DDX31: variants seen among roughly 807,000 people sequenced by gnomAD.
The protein encoded by DDX31 is ATP-dependent DNA helicase DDX31.
In DDX31, 70 loss-of-function variants were observed where a neutral mutation model predicts 91.3. That is an observed-to-expected ratio of 0.77 (90% CI 0.63 to 0.94). The LOEUF (loss-of-function observed/expected upper bound fraction) is 0.94, where lower values mean the gene tolerates loss of function less well. Ranked by LOEUF, DDX31 falls within the 40% of genes least tolerant of loss-of-function variation. The probability of loss-of-function intolerance (pLI) is 0.00; values close to 1 mark genes in which losing one functional copy is unlikely to be tolerated. For synonymous variants in DDX31, 362 were observed against 350.6 expected, an observed-to-expected ratio of 1.03 and a Z score of -0.36; for missense variants, 902 against 925.0, an observed-to-expected ratio of 0.98 and a Z score of 0.32.
intron 14 of DDX31, chr9:132,638,016 C>T (rs905440672): frequency 1.1e-5 from 12 of 1,133,454 alleles, no homozygotes; most frequent in African/African-American, 3.2e-5. Context: ...ATGCTTCAAG[C>T]GGAAAAAAAT....
intron 6 of DDX31, among the ~76,000 whole-genome samples, chr9:132,655,455 G>A (rs1275273187): frequency 6.6e-6 from 1 of 152,120 alleles, no homozygotes; most frequent in African/African-American, 2.4e-5. Flanking sequence ...CACAAAATTG[G>A]TAAGAGGAAT....
chr9:132,604,187 A>C (rs999362678), intron 19 of DDX31, among the ~76,000 whole-genome samples: 1 of 152,170 alleles, frequency 6.6e-6, no homozygotes, highest in African/African-American at 2.4e-5. Flanking sequence ...GCCTGTGAAC[A>C]TGAGGTGCAT....
chr9:132,643,946 C>T (rs1833657958), intron 13 of DDX31, among the ~76,000 whole-genome samples: 1 of 151,878 alleles, frequency 6.6e-6, no homozygotes, highest in African/African-American at 2.4e-5. Flanking sequence ...CTACCAAACT[C>T]TAGACTTTCA....
rs933353096 is a variant in DDX31, at chr9:132,595,386, T to C, written c.1995-274A>G. Among the ~76,000 whole-genome samples the C allele has an allele frequency of 6.6e-6, 1 of 152,226 alleles. No individual in the cohort carries two copies. Among genetic ancestry groups the C allele is most frequent in the Non-Finnish European group, 1.5e-5 (1 of 68,034 alleles). On this transcript the variant is annotated intron_variant, in intron 19 of 19. Transcript: ENST00000372159. The surrounding 1 kb of genome is among the most constrained non-coding windows in gnomAD (Gnocchi z 4.6). Reference sequence around the variant, plus strand: ...GTTTTCATGGGGAAAAAAAGAACTATACACCCTCATGCTCTGATGGCAAAT... The same window carrying C: ...GTTTTCATGGGGAAAAAAAGAACTACACACCCTCATGCTCTGATGGCAAAT...
chr9:132,598,367 C>T (rs751720321), intron 19 of DDX31, among the ~76,000 whole-genome samples: 17 of 152,298 alleles, frequency 1.1e-4, no homozygotes, highest in Middle Eastern at 3.4e-3. Flanking sequence ...TCCAAATACC[C>T]GCACCCCTCT....
intron 4 of DDX31, 51 bp from the exon 5 acceptor site, chr9:132,659,831 G>A (rs1286346467): frequency 6.4e-7 from 1 of 1,572,238 alleles, no homozygotes; most frequent in Admixed American, 1.7e-5. Context: ...CCCAGTTACT[G>A]GCAGAGACGC....
chr9:132,595,187 C>G lies in DDX31; in HGVS notation c.1995-75G>C, dbSNP rs1830381868. The G allele has an allele frequency of 4.5e-6, 7 of 1,544,248 alleles. No homozygotes were observed. The Admixed American group carries it at 5.8e-5, about 13-fold the overall frequency. ...TTCCCATTTGGAAAGAGGCTGATAGCAGCTGGTTCTGAGACTGTGAAGCTG... is the reference window on the plus strand; with the variant it reads ...TTCCCATTTGGAAAGAGGCTGATAGGAGCTGGTTCTGAGACTGTGAAGCTG... On this transcript the variant is annotated intron_variant, in intron 19 of 19. Transcript: ENST00000372159. The surrounding 1 kb of genome is among the most constrained non-coding windows in gnomAD (Gnocchi z 4.6).
chr9:132,644,048 T>C (rs1231535116), intron 13 of DDX31, among the ~76,000 whole-genome samples: 4 of 152,106 alleles, frequency 2.6e-5, no homozygotes, highest in African/African-American at 9.7e-5. Flanking sequence ...TGCTAAGGCC[T>C]TGTAGGACAG....
Position 132,661,201 on chromosome 9 carries a change from T to C in DDX31, c.452+7A>G. ...CTAAGAAATCAAGAGGAGCCTGAAG[T>C]TCTTACCTGGTCATACTAGACATTT... On this transcript the variant is annotated splice_region_variant and intron_variant, in intron 4 of 19. Transcript: ENST00000372159. The C allele has an allele frequency of 6.2e-7, 1 of 1,610,416 alleles. No homozygotes were observed.
intron 6 of DDX31, 106 bp downstream of exon 6, chr9:132,658,565 A>G (rs1182939806): frequency 9.7e-7 from 1 of 1,031,360 alleles, no homozygotes; most frequent in Non-Finnish European, 1.5e-6. Context: ...TGAAAAAAAT[A>G]CTCAGTGAAA....
rs754212305 is a variant in DDX31, at chr9:132,618,343, G to T, written c.1812C>A (p.Ser604=). The T allele has an allele frequency of 2.4e-5, 38 of 1,609,112 alleles. No individual in the cohort carries two copies. The highest frequency in any genetic ancestry group is 3.0e-5 in the Non-Finnish European group (35 of 1,177,960). Residue 604 remains serine (S), a synonymous_variant, in exon 18 of 20, where the codon TCC becomes TCA. Coordinates refer to ENST00000372159, the MANE Select transcript of DDX31 (RefSeq NM_022779.9). ...AAATCGACTGACCTTTCTTTGCCCA[G>T]GAGACCCTCCTCTCACTGGAGTGCA... is the stretch of plus-strand genomic sequence containing the variant. ...DYVHSSERRV[S]WAKKALQSFI...
intron 1 of DDX31, among the ~76,000 whole-genome samples, chr9:132,667,095 T>G (rs1292092562): frequency 6.6e-6 from 1 of 151,284 alleles, no homozygotes; most frequent in Non-Finnish European, 1.5e-5. Flanking sequence ...GTGATCTGCC[T>G]GCCTCGGCCT....
rs1329107760 is a variant in DDX31 at position 132,594,581 on chromosome 9, G to A, written c.*285C>T. ...CGGGGTGCCAGCTCAACCCCGGCACGTCAGCACCTGGGTGAAGGGAGTGCC... is the reference window on the plus strand; with the variant it reads ...CGGGGTGCCAGCTCAACCCCGGCACATCAGCACCTGGGTGAAGGGAGTGCC... On this transcript the variant is annotated 3_prime_UTR_variant, in exon 20 of 20. Transcript: ENST00000372159. The A allele has an allele frequency of 1.8e-5, 6 of 324,872 alleles. No homozygotes were observed. Among genetic ancestry groups the A allele is most frequent in the East Asian group, 1.3e-4 (2 of 15,456 alleles). 20.1% of individuals were successfully genotyped at this position (324,872 alleles called of 1,614,324 possible).
intron 11 of DDX31, 145 bp downstream of exon 11, chr9:132,648,044 G>C: frequency 1.6e-6 from 1 of 626,278 alleles, no homozygotes; most frequent in Non-Finnish European, 2.7e-6. Context: ...CATAGAGTTT[G>C]AAAAGGCAGT....
chr9:132,650,268 T>A lies in DDX31; in HGVS notation c.706A>T (p.Met236Leu), dbSNP rs1438711867. ...PFTWIVPGVL[M>L]GGEKRKSEKA... ...TCTGATTTTCTCTTCTCTCCTCCCA[T>A]TAACACTCCAGGCACAATCCAGGTG... is the stretch of plus-strand genomic sequence containing the variant. The change falls in exon 9 of 20, where the codon ATG becomes TTG. Residue 236 changes from methionine (M) to leucine (L), a missense_variant. Coordinates refer to ENST00000372159, the MANE Select transcript of DDX31 (RefSeq NM_022779.9). 6.2e-7 allele frequency: 1 copy of A among 1,614,104 alleles called. No homozygotes were observed. The highest frequency in any genetic ancestry group is 2.2e-5 in the East Asian group (1 of 44,884).
At position 132,661,981 on chromosome 9, in the gene DDX31, C is replaced by T. The variant is rs114303023; in HGVS notation, c.408+280G>A. Among the ~76,000 whole-genome samples, 157 of 152,076 alleles carry T rather than the reference C, an allele frequency of 1.0e-3. 1 individual carries two copies. Among genetic ancestry groups the T allele is most frequent in the African/African-American group, 3.7e-3 (154 of 41,462 alleles). ...CAAGTGATGTCCTGACCCTAAATCA[C>T]GTTAGTCGAGGAAAGTCTTCAATAC... On this transcript the variant is annotated intron_variant, in intron 3 of 19. Transcript: ENST00000372159.
chr9:132,663,885 G>T (rs745434784), intron 1 of DDX31, among the ~76,000 whole-genome samples: 1 of 152,148 alleles, frequency 6.6e-6, no homozygotes, highest in Non-Finnish European at 1.5e-5. Context: ...ATTAAAGAAA[G>T]AGATGAAATC....
intron 6 of DDX31, among the ~76,000 whole-genome samples, chr9:132,654,914 C>T (rs1390252957): frequency 6.8e-6 from 1 of 146,528 alleles, no homozygotes; most frequent in Admixed American, 6.9e-5. Flanking sequence ...CCACTCCACT[C>T]CAACCAGGGC....
intron 17 of DDX31, among the ~76,000 whole-genome samples, chr9:132,624,166 CAAAAAAAAAAAAA>C (rs4021852): frequency 4.1e-4 from 29 of 71,464 alleles, no homozygotes; most frequent in Admixed American, 3.1e-3. Flanking sequence ...GACTCCGTCT[CAAAAAAAAAAAAA>C]AAAAAAAAAA....
Sources: gnomAD v4.1 joint callset for allele counts (sites outside exome capture counted in the v4.1 genomes callset) on GRCh38, gnomAD v4.1.1 for gene constraint, Gnocchi (gnomAD v3.1) non-coding constraint, MANE v1.5 for transcripts, NCBI Gene and HGNC (gene_info 2026-07-23, HGNC 2026-07-21) for gene names.